The following PCCA variants were observed in gnomAD, a reference collection of about 807,000 sequenced individuals.
PCCA encodes propionyl-CoA carboxylase subunit alpha.
A neutral mutation model predicts 101.3 loss-of-function variants in PCCA; 74 were observed. That is an observed-to-expected ratio of 0.73 (90% CI 0.61 to 0.89). PCCA has a LOEUF of 0.89. Ranked by LOEUF, PCCA falls within the 40% of genes least tolerant of loss-of-function variation. The pLI is 0.00. For synonymous variants in PCCA, 294 were observed against 313.6 expected, an observed-to-expected ratio of 0.94 and a Z score of 0.66; for missense variants, 891 against 907.0, an observed-to-expected ratio of 0.98 and a Z score of 0.23.
rs749674356 is a variant in PCCA at position 100,089,095 on chromosome 13, C to T, written c.-26C>T. On this transcript the variant is annotated 5_prime_UTR_variant, in exon 1 of 24. Transcript: ENST00000376285. ...CCCCTCCGGCTGTGTGAGAGGTCAG[C>T]AGAGGGGCGGTCTGCGGGGACAACA... The T allele has an allele frequency of 1.6e-5, 24 of 1,459,002 alleles. No homozygotes were observed. Among genetic ancestry groups the T allele is most frequent in the East Asian group, 2.8e-5 (1 of 35,294 alleles). The allele number at this position is 1,459,002 out of a possible 1,614,324, so 90.4% of individuals were successfully genotyped here.
intron 4 of PCCA, among the ~76,000 whole-genome samples, chr13:100,113,334 A>G (rs1398355678): frequency 6.6e-6 from 1 of 152,140 alleles, no homozygotes; most frequent in East Asian, 1.9e-4. Flanking sequence ...AAAATGGTAC[A>G]CTTGTATAGG....
At chr13:100,159,084 CTTTTTTTTTTTTT>C (rs11350199) in intron 6 of PCCA, among the ~76,000 whole-genome samples, 8 of 58,170 alleles carry the variant, frequency 1.4e-4, no homozygotes, top group South Asian at 9.6e-4. Context: ...AAAATGCTGC[CTTTTTTTTTTTTT>C]TTTTTTTTTT....
chr13:100,370,074 C>CTTTTTTTTTT (rs386380451), intron 19 of PCCA, among the ~76,000 whole-genome samples: 34 of 74,668 alleles, frequency 4.6e-4, no homozygotes, highest in African/African-American at 1.1e-3. Context: ...GCTGTTACTT[C>CTTTTTTTTTT]TTTTTTTTTT....
chr13:100,476,546 C>T (rs2083433064), intron 21 of PCCA, among the ~76,000 whole-genome samples: 1 of 152,066 alleles, frequency 6.6e-6, no homozygotes, highest in Admixed American at 6.6e-5. Context: ...TCCTGTCCAC[C>T]CCCCACCCTT....
chr13:100,288,088 TAAGA>T (rs1216967921), intron 12 of PCCA, among the ~76,000 whole-genome samples: 3 of 152,188 alleles, frequency 2.0e-5, no homozygotes, highest in African/African-American at 7.2e-5. Flanking sequence ...TCTGTTTGAT[TAAGA>T]AAGAGATAGA....
At chr13:100,452,479 G>A (rs1208517733) in intron 21 of PCCA, among the ~76,000 whole-genome samples, 1 of 152,078 alleles carries the variant, frequency 6.6e-6, no homozygotes, top group Non-Finnish European at 1.5e-5. Flanking sequence ...CTCTGCCCTT[G>A]TTTTTCTTCT....
chr13:100,506,666 G>A (rs535272088), intron 21 of PCCA, among the ~76,000 whole-genome samples: 6 of 152,094 alleles, frequency 3.9e-5, no homozygotes, highest in African/African-American at 9.7e-5. Context: ...ACCTGGGGGG[G>A]ACTGAGGACT....
At chr13:100,280,657 G>A (rs751060864) in intron 12 of PCCA, among the ~76,000 whole-genome samples, 4 of 152,142 alleles carry the variant, frequency 2.6e-5, no homozygotes, top group Non-Finnish European at 5.9e-5. Flanking sequence ...TTATTGAAGT[G>A]TATTCTAGTA....
At chr13:100,282,462 G>C (rs1362941749) in intron 12 of PCCA, among the ~76,000 whole-genome samples, 1 of 152,246 alleles carries the variant, frequency 6.6e-6, no homozygotes, top group Non-Finnish European at 1.5e-5. Context: ...GCGCAAGCTG[G>C]AACTGGGGCT....
At chr13:100,332,255 TA>T (rs2069735504) in intron 17 of PCCA, among the ~76,000 whole-genome samples, 1 of 152,198 alleles carries the variant, frequency 6.6e-6, no homozygotes, top group African/African-American at 2.4e-5. Context: ...TGGATATTTT[TA>T]ATCATTTATA....
chr13:100,113,787 C>T (rs2048546136), intron 4 of PCCA, among the ~76,000 whole-genome samples: 1 of 151,990 alleles, frequency 6.6e-6, no homozygotes, highest in Non-Finnish European at 1.5e-5. Flanking sequence ...CCATGTTGGC[C>T]AGGCTGGTCT....
chr13:100,410,221 TTTTTTG>T (rs1567086602), intron 19 of PCCA, among the ~76,000 whole-genome samples: 1 of 152,134 alleles, frequency 6.6e-6, no homozygotes, highest in Non-Finnish European at 1.5e-5. Context: ...CAGGGAAATT[TTTTTTG>T]TTTTTGTTGT....
At chr13:100,441,869 T>C (rs2080391517) in intron 20 of PCCA, among the ~76,000 whole-genome samples, 1 of 152,208 alleles carries the variant, frequency 6.6e-6, no homozygotes, top group South Asian at 2.1e-4. Flanking sequence ...CTGAATTATC[T>C]TAATCCTAGG....
At chr13:100,339,308 G>T (rs1001642094) in intron 17 of PCCA, among the ~76,000 whole-genome samples, 2 of 152,126 alleles carry the variant, frequency 1.3e-5, no homozygotes, top group African/African-American at 4.8e-5. Flanking sequence ...TCCATGGAGG[G>T]TCGACTGTAA....
rs779827120 is a variant in PCCA at position 100,268,711 on chromosome 13, A to G, written c.842A>G (p.Asn281Ser). 1 of 1,613,872 alleles carries G rather than the reference A, an allele frequency of 6.2e-7. No homozygotes were observed. Among genetic ancestry groups the G allele is most frequent in the Non-Finnish European group, 8.5e-7 (1 of 1,179,716 alleles). Residue 281 changes from asparagine (N) to serine (S), a missense_variant, in exon 11 of 24, where the codon AAT (asparagine) becomes AGT (serine). Coordinates refer to ENST00000376285, the MANE Select transcript of PCCA (RefSeq NM_000282.4). ...CAGGTTCTAGGTGATAAACATGGGA[A>G]TGCTTTATGGCTTAATGAAAGAGAG... ...EIQVLGDKHG[N>S]ALWLNERECS...
At chr13:100,474,573 C>T (rs2083279138) in intron 21 of PCCA, among the ~76,000 whole-genome samples, 1 of 151,794 alleles carries the variant, frequency 6.6e-6, no homozygotes, top group Admixed American at 6.6e-5. Context: ...GCAGCCTCGA[C>T]CTCCTGGGCT....
At chr13:100,224,971 A>G (rs1266391278) in intron 7 of PCCA, among the ~76,000 whole-genome samples, 1 of 152,176 alleles carries the variant, frequency 6.6e-6, no homozygotes, top group Non-Finnish European at 1.5e-5. Flanking sequence ...GATGTAACTT[A>G]TTTTGAAGGC....
intron 15 of PCCA, among the ~76,000 whole-genome samples, chr13:100,309,063 A>G (rs2066698301): frequency 1.3e-5 from 2 of 152,254 alleles, no homozygotes; most frequent in African/African-American, 2.4e-5. Flanking sequence ...CTTTCTTTAT[A>G]CTTTTATTTT....
intron 18 of PCCA, among the ~76,000 whole-genome samples, chr13:100,348,933 T>TCCTTCCTTC: frequency 1.4e-5 from 1 of 73,962 alleles, no homozygotes; most frequent in East Asian, 3.9e-4. Flanking sequence ...TCTTTTCTTT[T>TCCTTCCTTC]CTTTCTTTTC....
Sources: gnomAD v4.1 joint callset for allele counts (sites outside exome capture counted in the v4.1 genomes callset) on GRCh38, gnomAD v4.1.1 for gene constraint, MANE v1.5 for transcripts, NCBI Gene and HGNC (gene_info 2026-07-23, HGNC 2026-07-21) for gene names.